SLC44A5: variants seen among roughly 807,000 people sequenced by gnomAD.
SLC44A5 encodes solute carrier family 44 member 5.
Under a neutral mutation model 101.8 loss-of-function variants are expected in SLC44A5, and 57 were observed. That is an observed-to-expected ratio of 0.56 (90% CI 0.45 to 0.70). SLC44A5 has a LOEUF of 0.70. Ranked by LOEUF, SLC44A5 falls within the 30% of genes least tolerant of loss-of-function variation. The probability of loss-of-function intolerance (pLI) is 0.00; values close to 1 mark genes in which losing one functional copy is unlikely to be tolerated. For missense variants in SLC44A5, 737 were observed against 853.1 expected (o/e 0.86, Z 1.70); for synonymous variants, 281 against 290.9 (o/e 0.97, Z 0.35).
chr1:75,493,854 C>T (rs986074449), intron 2 of SLC44A5, among the ~76,000 whole-genome samples: 3 of 152,078 alleles, frequency 2.0e-5, no homozygotes, highest in African/African-American at 7.2e-5. Context: ...TGTTTATAGA[C>T]TCCTGTACAC....
At chr1:75,691,161 T>C in the SLC44A5 span, among the ~76,000 whole-genome samples, 3 of 152,152 alleles carry the variant, frequency 2.0e-5, no homozygotes, top group Non-Finnish European at 4.4e-5. Flanking sequence ...TGCAACAGTG[T>C]CAAGAGCCTG....
chr1:75,375,926 C>T (rs974129294), intron 3 of SLC44A5, among the ~76,000 whole-genome samples: 11 of 152,128 alleles, frequency 7.2e-5, no homozygotes, highest in South Asian at 4.1e-4. Context: ...TCTGAGGTAC[C>T]GGGTTCATCT....
intron 1 of SLC44A5, among the ~76,000 whole-genome samples, chr1:75,588,328 A>G (rs1487605353): frequency 6.6e-6 from 1 of 151,918 alleles, no homozygotes; most frequent in African/African-American, 2.4e-5. Flanking sequence ...AAAGAAGGGG[A>G]AATGGAATGA....
chr1:75,454,644 A>C (rs1666087871), intron 2 of SLC44A5, among the ~76,000 whole-genome samples: 1 of 152,042 alleles, frequency 6.6e-6, no homozygotes, highest in Non-Finnish European at 1.5e-5. Flanking sequence ...GAAAACCCTA[A>C]AGAATCCCCC....
intron 3 of SLC44A5, among the ~76,000 whole-genome samples, chr1:75,369,933 C>A (rs920965860): frequency 2.0e-5 from 3 of 152,190 alleles, no homozygotes; most frequent in Non-Finnish European, 4.4e-5. Flanking sequence ...TTCTCTAGCA[C>A]CAATCATGGA....
the SLC44A5 span, chr1:75,723,571 CTG>C: frequency 1.3e-5 from 2 of 152,134 alleles, no homozygotes; most frequent in Non-Finnish European, 2.9e-5. Context: ...TTCATCTTTT[CTG>C]TGTTTAAAAT....
chr1:75,395,248 G>A (rs1557739651), intron 3 of SLC44A5, among the ~76,000 whole-genome samples: 1 of 152,052 alleles, frequency 6.6e-6, no homozygotes, highest in Non-Finnish European at 1.5e-5. Context: ...ATCATACTGA[G>A]CAAAAAACAT....
chr1:75,372,557 G>A (rs1660299998), intron 3 of SLC44A5, among the ~76,000 whole-genome samples: 1 of 152,068 alleles, frequency 6.6e-6, no homozygotes, highest in Non-Finnish European at 1.5e-5. Flanking sequence ...TTTTTTCTTT[G>A]TAAAAGTTAG....
chr1:75,304,490 C>A (rs1654760889), intron 4 of SLC44A5, among the ~76,000 whole-genome samples: 1 of 152,070 alleles, frequency 6.6e-6, no homozygotes, highest in Non-Finnish European at 1.5e-5. Flanking sequence ...TTTTGTGAGT[C>A]AAGGAAAGTA....
rs1372437857 is a variant in SLC44A5 at position 75,243,004 on chromosome 1, A to G, written c.353T>C (p.Val118Ala). The change falls in exon 8 of 24, where the codon GTC (valine) becomes GCC (alanine). Residue 118 changes from valine (V) to alanine (A), a missense_variant. This residue lies in a region of SLC44A5 where 665 missense variants were observed against 764.4 expected (regional missense o/e 0.87). Coordinates refer to ENST00000370859, the MANE Select transcript of SLC44A5 (RefSeq NM_001130058.2). ...TAAAAATTTTTCTGGGCACTTGGAG[A>G]CACAGATCTGTGAACGAACAAAGTG... ...NLQCPTTQIC[V>A]SKCPEKFLTY... 3 of 1,611,246 alleles carry G rather than the reference A, an allele frequency of 1.9e-6. No homozygotes were observed. The highest frequency in any genetic ancestry group is 1.7e-6 in the Non-Finnish European group (2 of 1,178,730).
intron 2 of SLC44A5, among the ~76,000 whole-genome samples, chr1:75,478,625 C>T (rs371405204): frequency 7.9e-5 from 12 of 151,842 alleles, no homozygotes; most frequent in South Asian, 2.1e-4. Context: ...AAACAGACTT[C>T]AAACCAACAA....
chr1:75,529,027 C>T (rs370379257), intron 2 of SLC44A5, among the ~76,000 whole-genome samples: 2 of 152,148 alleles, frequency 1.3e-5, no homozygotes, highest in African/African-American at 4.8e-5. Context: ...GTTACATTAT[C>T]TTGTTTACTT....
At chr1:75,535,936 C>T (rs963041385) in intron 2 of SLC44A5, among the ~76,000 whole-genome samples, 4 of 151,334 alleles carry the variant, frequency 2.6e-5, no homozygotes, top group Non-Finnish European at 5.9e-5. Context: ...AGGCCAGGAG[C>T]GGTGGTCCAT....
At chr1:75,470,332 A>C (rs1216446885) in intron 2 of SLC44A5, among the ~76,000 whole-genome samples, 1 of 152,206 alleles carries the variant, frequency 6.6e-6, no homozygotes, top group East Asian at 1.9e-4. Context: ...AAGTGAATGT[A>C]CAGTTGTGCC....
the SLC44A5 span, among the ~76,000 whole-genome samples, chr1:75,667,884 C>T: frequency 2.0e-5 from 3 of 152,206 alleles, no homozygotes; most frequent in South Asian, 6.2e-4. Flanking sequence ...AAAGACATAA[C>T]ATTTCTTTTT....
At chr1:75,538,774 TC>T in intron 2 of SLC44A5, among the ~76,000 whole-genome samples, 1 of 152,338 alleles carries the variant, frequency 6.6e-6, no homozygotes, top group Non-Finnish European at 1.5e-5. Context: ...AATTTATTGT[TC>T]CTCTTTGAGG....
At chr1:75,669,542 G>A in the SLC44A5 span, among the ~76,000 whole-genome samples, 8 of 152,190 alleles carry the variant, frequency 5.3e-5, no homozygotes, top group African/African-American at 9.7e-5. Flanking sequence ...GTGGGTAGCC[G>A]AGATTGATAA....
At chr1:75,369,254 G>A (rs1419652356) in intron 3 of SLC44A5, among the ~76,000 whole-genome samples, 1 of 151,946 alleles carries the variant, frequency 6.6e-6, no homozygotes, top group Non-Finnish European at 1.5e-5. Flanking sequence ...GTGGCCTCAA[G>A]CTATCCTCCT....
intron 2 of SLC44A5, among the ~76,000 whole-genome samples, chr1:75,444,476 A>AAG (rs1557790158): frequency 1.2e-4 from 16 of 138,950 alleles, no homozygotes; most frequent in Admixed American, 2.1e-4. Context: ...AAAGAAAGAG[A>AAG]AAGAAAGAAG....
Sources: allele counts gnomAD v4.1 joint callset (sites outside exome capture counted in the v4.1 genomes callset), GRCh38; gene constraint gnomAD v4.1.1; regional missense constraint gnomAD v4.1.1; transcripts MANE v1.5; gene names NCBI Gene and HGNC (gene_info 2026-07-23, HGNC 2026-07-21).